Variants in EBF1 observed in about 807,000 individuals in gnomAD.
The protein encoded by EBF1 is EBF transcription factor 1, also known as transcription factor COE1.
In EBF1, 10 loss-of-function variants were observed where a neutral mutation model predicts 68.4. The observed-to-expected ratio is 0.15, with a 90% CI of 0.09 to 0.25. The LOEUF (loss-of-function observed/expected upper bound fraction) is 0.25, where lower values mean the gene tolerates loss of function less well. Ranked by LOEUF, EBF1 falls within the 10% of genes least tolerant of loss-of-function variation. The probability of loss-of-function intolerance (pLI) is 1.00; values close to 1 mark genes in which losing one functional copy is unlikely to be tolerated. For synonymous variants in EBF1, 298 were observed against 299.8 expected (o/e 0.99, Z 0.06); for missense variants, 509 against 794.4 (o/e 0.64, Z 4.32).
intron 10 of EBF1, among the ~76,000 whole-genome samples, chr5:158,751,070 A>G (rs1768777305): frequency 6.6e-6 from 1 of 152,164 alleles, no homozygotes; most frequent in Non-Finnish European, 1.5e-5. Flanking sequence ...GTGTGTGTGT[A>G]AACACATATA....
intron 6 of EBF1, among the ~76,000 whole-genome samples, chr5:158,955,394 A>G (rs1277040096): frequency 6.6e-6 from 1 of 152,126 alleles, no homozygotes; most frequent in African/African-American, 2.4e-5. Flanking sequence ...ACTTAGAGCT[A>G]AAAAACAGCA....
chr5:158,708,282 G>T, intron 14 of EBF1, 109 bp from the exon 15 acceptor site: 1 of 1,134,200 alleles, frequency 8.8e-7, no homozygotes, highest in Non-Finnish European at 1.2e-6. Context: ...CTGCTCAGAC[G>T]ATGCTTCCAG....
chr5:158,852,974 G>C (rs1184989867), intron 6 of EBF1, among the ~76,000 whole-genome samples: 3 of 151,956 alleles, frequency 2.0e-5, no homozygotes, highest in Non-Finnish European at 2.9e-5. Context: ...TGCTGGAATG[G>C]GATAAGAAAT....
chr5:159,098,948 A>G (rs2128016726), intron 1 of EBF1, among the ~76,000 whole-genome samples: 1 of 152,182 alleles, frequency 6.6e-6, no homozygotes, highest in African/African-American at 2.4e-5. Context: ...GAAAGAAAAA[A>G]GAAAAGAGGG....
At chr5:158,733,098 C>G (rs1216365667) in intron 10 of EBF1, among the ~76,000 whole-genome samples, 1 of 152,120 alleles carries the variant, frequency 6.6e-6, no homozygotes, top group Non-Finnish European at 1.5e-5. Flanking sequence ...GGCAGGGAAG[C>G]TGCAACTTGT....
intron 6 of EBF1, among the ~76,000 whole-genome samples, chr5:158,894,846 A>G (rs1421608019): frequency 1.3e-5 from 2 of 152,170 alleles, no homozygotes; most frequent in African/African-American, 2.4e-5. Context: ...TAAAGTATCA[A>G]TTCGCCCACA....
intron 6 of EBF1, among the ~76,000 whole-genome samples, chr5:158,998,622 C>A (rs546587733): frequency 5.3e-5 from 8 of 152,142 alleles, no homozygotes; most frequent in African/African-American, 1.7e-4. Flanking sequence ...ACCCACCTAC[C>A]GCCCTTATTG....
intron 6 of EBF1, among the ~76,000 whole-genome samples, chr5:158,895,165 C>T (rs561702879): frequency 6.6e-6 from 1 of 152,236 alleles, no homozygotes; most frequent in South Asian, 2.1e-4. Context: ...AATAATAAGT[C>T]AGATGCCAGG....
chr5:158,859,114 T>G (rs939538467), intron 6 of EBF1, among the ~76,000 whole-genome samples: 2 of 152,218 alleles, frequency 1.3e-5, no homozygotes, highest in African/African-American at 4.8e-5. Flanking sequence ...CATCTCAATG[T>G]TAATGTGAAA....
intron 6 of EBF1, among the ~76,000 whole-genome samples, chr5:158,846,406 T>G (rs1291610600): frequency 6.6e-6 from 1 of 152,164 alleles, no homozygotes; most frequent in African/African-American, 2.4e-5. Flanking sequence ...AAGGAAGTCT[T>G]TCTAAGAGTC....
chr5:158,837,438 C>T (rs1051715232), intron 7 of EBF1, among the ~76,000 whole-genome samples: 4 of 152,152 alleles, frequency 2.6e-5, no homozygotes, highest in Admixed American at 1.3e-4. Flanking sequence ...CAAAATATTG[C>T]TTTCTTTCAT....
chr5:158,780,982 G>C (rs10055862), intron 9 of EBF1, among the ~76,000 whole-genome samples: 7,484 of 152,028 alleles, frequency 0.049, 652 homozygotes, highest in African/African-American at 0.17. Flanking sequence ...AAACAATTTG[G>C]GCTAGAAATA....
intron 7 of EBF1, among the ~76,000 whole-genome samples, chr5:158,829,610 G>A (rs1341648608): frequency 2.0e-5 from 3 of 152,186 alleles, no homozygotes; most frequent in African/African-American, 7.2e-5. Context: ...GGTTGAGAAG[G>A]TATTATATTT....
At chr5:158,872,389 G>T (rs1797035199) in intron 6 of EBF1, among the ~76,000 whole-genome samples, 1 of 151,984 alleles carries the variant, frequency 6.6e-6, no homozygotes, top group African/African-American at 2.4e-5. Context: ...TAGAGACAGG[G>T]TTTTATCATG....
chr5:158,860,995 C>T (rs1794875483), intron 6 of EBF1, among the ~76,000 whole-genome samples: 1 of 152,148 alleles, frequency 6.6e-6, no homozygotes, highest in Non-Finnish European at 1.5e-5. Context: ...TTTAGCCTCC[C>T]TAAATCCTCA....
intron 5 of EBF1, among the ~76,000 whole-genome samples, chr5:159,084,443 ATG>A (rs1780278108): frequency 6.6e-6 from 1 of 152,140 alleles, no homozygotes; most frequent in African/African-American, 2.4e-5. Context: ...CAAAATGGAA[ATG>A]TATGTCTTTC....
At chr5:158,843,357 G>T (rs1790715474) in intron 6 of EBF1, among the ~76,000 whole-genome samples, 1 of 152,206 alleles carries the variant, frequency 6.6e-6, no homozygotes, top group Non-Finnish European at 1.5e-5. Context: ...CAGGACACCA[G>T]CTATGCCAGG....
chr5:158,867,917 G>T (rs1300010795), intron 6 of EBF1, among the ~76,000 whole-genome samples: 1 of 152,032 alleles, frequency 6.6e-6, no homozygotes, highest in African/African-American at 2.4e-5. Flanking sequence ...GCCTTCATTT[G>T]TTTTTTCTAC....
chr5:158,839,846 G>A (rs1472558963), intron 7 of EBF1, among the ~76,000 whole-genome samples, 183 bp downstream of exon 7: 2 of 152,090 alleles, frequency 1.3e-5, no homozygotes, highest in Non-Finnish European at 2.9e-5. Flanking sequence ...GAGCACAGGT[G>A]GTACAGTTCC....
Sources: gnomAD v4.1 joint callset for allele counts (sites outside exome capture counted in the v4.1 genomes callset) on GRCh38, gnomAD v4.1.1 for gene constraint, MANE v1.5 for transcripts, NCBI Gene and HGNC (gene_info 2026-07-23, HGNC 2026-07-21) for gene names.